Variants in ACYP2 observed in about 807,000 individuals in gnomAD.
The protein encoded by ACYP2 is acylphosphatase 2, also known as acylphosphatase-2.
ACYP2 carries 12 observed loss-of-function variants against 11.2 expected under a neutral mutation model. The observed-to-expected ratio is 1.08, with a 90% CI of 0.69 to 1.74. ACYP2 has a LOEUF of 1.74. Ranked by LOEUF, ACYP2 falls within the 40% of genes most tolerant of loss-of-function variation. ACYP2 has a pLI of 0.00. For synonymous variants in ACYP2, 43 were observed against 32.2 expected, an observed-to-expected ratio of 1.33 and a Z score of -1.13; for missense variants, 134 against 101.9, an observed-to-expected ratio of 1.31 and a Z score of -1.35.
chr2:54,121,257 G>A (rs1010859377), intron 4 of ACYP2, among the ~76,000 whole-genome samples: 2 of 152,170 alleles, frequency 1.3e-5, no homozygotes, highest in Admixed American at 6.5e-5. Flanking sequence ...CCATCTGTAA[G>A]GCTGAGTCTG....
intron 6 of ACYP2, among the ~76,000 whole-genome samples, chr2:54,219,981 C>T (rs1224067635): frequency 6.8e-6 from 1 of 146,026 alleles, no homozygotes; most frequent in Non-Finnish European, 1.5e-5. Flanking sequence ...ACCTCAGGTG[C>T]TCCACTCATC....
In ACYP2 at chr2:53,992,798, T is replaced by A. The variant is rs138758406; in HGVS notation, c.62+18988T>A. Among the ~76,000 whole-genome samples the A allele has an allele frequency of 1.0e-3, 144 of 139,152 alleles. 1 individual carries two copies. The highest frequency in any genetic ancestry group is 3.9e-3 in the African/African-American group (141 of 36,568). The allele number at this position is 139,152 out of a possible 152,430, so 91.3% of individuals were successfully genotyped here. ...GCGAGCTGAGACCACACCACTGTACTCCAGCCTAGGCGACATAGTGAAACT... is the reference window on the plus strand; with the variant it reads ...GCGAGCTGAGACCACACCACTGTACACCAGCCTAGGCGACATAGTGAAACT... On this transcript the variant is annotated intron_variant, in intron 2 of 6. Transcript: ENST00000607452.
intron 4 of ACYP2, among the ~76,000 whole-genome samples, chr2:54,084,415 T>C (rs1346413885): frequency 6.6e-6 from 1 of 152,166 alleles, no homozygotes; most frequent in Admixed American, 6.5e-5. Flanking sequence ...ATGCCTCAGC[T>C]TCCTGAGTAA....
chr2:54,051,573 ATGT>A (rs1675869062), intron 3 of ACYP2: 3 of 743,486 alleles, frequency 4.0e-6, no homozygotes, highest in Non-Finnish European at 7.5e-6. Context: ...TCCATTGGTG[ATGT>A]TGTGAAGAAA....
At chr2:54,140,519 T>TTC (rs200211917) in intron 6 of ACYP2, among the ~76,000 whole-genome samples, 428 of 31,762 alleles carry the variant, frequency 0.013, 4 homozygotes, top group African/African-American at 0.042. Context: ...CATGTTCACA[T>TTC]TCTCTCTCTC....
intron 4 of ACYP2, among the ~76,000 whole-genome samples, chr2:54,100,477 A>G (rs1031961351): frequency 6.6e-6 from 1 of 151,778 alleles, no homozygotes; most frequent in African/African-American, 2.4e-5. Context: ...TAATTAAAAA[A>G]AGATTTTTTT....
chr2:54,259,856 A>T (rs1392804036), intron 6 of ACYP2, among the ~76,000 whole-genome samples: 1 of 152,248 alleles, frequency 6.6e-6, no homozygotes, highest in African/African-American at 2.4e-5. Flanking sequence ...AAAAAGTGAA[A>T]ACAGCGAGTA....
chr2:54,009,467 G>T (rs988871097), intron 2 of ACYP2, among the ~76,000 whole-genome samples: 1 of 151,894 alleles, frequency 6.6e-6, no homozygotes, highest in East Asian at 1.9e-4. Context: ...CCAGCTACTT[G>T]GGAGGCTGAG....
In ACYP2 at chr2:54,096,640, G is replaced by A. The variant is rs1474549726; in HGVS notation, c.278-38813G>A. Among the ~76,000 whole-genome samples, 5 of 152,236 alleles carry A rather than the reference G, an allele frequency of 3.3e-5. No homozygotes were observed. The East Asian group carries it at 5.8e-4, about 18-fold the overall frequency. ...GCGGTTAGGAGCTGGAGACCAGCCCGGCCAACACAGCGAAACCCCGTCTCC... is the reference window on the plus strand; with the variant it reads ...GCGGTTAGGAGCTGGAGACCAGCCCAGCCAACACAGCGAAACCCCGTCTCC... On this transcript the variant is annotated intron_variant, in intron 4 of 6. Coordinates refer to ENST00000607452, the MANE Select transcript of ACYP2 (RefSeq NM_001320586.2).
chr2:54,233,686 C>T (rs142940853), intron 6 of ACYP2, among the ~76,000 whole-genome samples: 28 of 152,258 alleles, frequency 1.8e-4, no homozygotes, highest in African/African-American at 6.7e-4. Context: ...GATCTACTTT[C>T]TGTCACTACA....
intron 2 of ACYP2, among the ~76,000 whole-genome samples, chr2:54,041,749 A>G (rs1228000476): frequency 2.0e-5 from 3 of 152,190 alleles, no homozygotes; most frequent in Non-Finnish European, 4.4e-5. Context: ...GAGGTATCAA[A>G]TGAACGCATA....
intron 6 of ACYP2, among the ~76,000 whole-genome samples, chr2:54,251,222 A>G (rs1241759178): frequency 6.6e-6 from 1 of 152,232 alleles, no homozygotes; most frequent in African/African-American, 2.4e-5. Context: ...TAGAAAATGG[A>G]TTTTAACCAT....
chr2:54,214,326 C>G (rs1302226806), intron 6 of ACYP2, among the ~76,000 whole-genome samples: 1 of 152,192 alleles, frequency 6.6e-6, no homozygotes. Flanking sequence ...GGGCCTACGT[C>G]TAGAATCTCA....
chr2:54,176,080 C>A (rs1006797153), intron 6 of ACYP2, among the ~76,000 whole-genome samples: 1 of 152,112 alleles, frequency 6.6e-6, no homozygotes, highest in Non-Finnish European at 1.5e-5. Context: ...TTCCTGGCAC[C>A]CAGAATTGTG....
chr2:54,260,707 G>A (rs1162869437), intron 6 of ACYP2, among the ~76,000 whole-genome samples: 4 of 152,128 alleles, frequency 2.6e-5, no homozygotes, highest in African/African-American at 9.7e-5. Context: ...GGATTAGTCA[G>A]AATCCCATTC....
At chr2:54,229,816 G>A (rs1686158154) in intron 6 of ACYP2, among the ~76,000 whole-genome samples, 1 of 152,126 alleles carries the variant, frequency 6.6e-6, no homozygotes, top group South Asian at 2.1e-4. Flanking sequence ...GTACTAAGAA[G>A]CTGTTTTCTA....
intron 4 of ACYP2, among the ~76,000 whole-genome samples, chr2:54,098,539 T>A (rs914699354): frequency 6.6e-6 from 1 of 152,202 alleles, no homozygotes; most frequent in Non-Finnish European, 1.5e-5. Flanking sequence ...CGAGGCAACT[T>A]CTTTGAACAG....
chr2:54,122,468 C>T (rs1167917219), intron 4 of ACYP2, among the ~76,000 whole-genome samples: 1 of 152,108 alleles, frequency 6.6e-6, no homozygotes, highest in Non-Finnish European at 1.5e-5. Context: ...AAAAAACCTG[C>T]ATGTGTCATA....
At chr2:54,022,580 A>G (rs948561155) in intron 2 of ACYP2, among the ~76,000 whole-genome samples, 6 of 152,050 alleles carry the variant, frequency 3.9e-5, no homozygotes, top group African/African-American at 4.8e-5. Context: ...GGGTCTCCCT[A>G]TGTTGCACAG....
Sources: allele counts gnomAD v4.1 joint callset (sites outside exome capture counted in the v4.1 genomes callset), GRCh38; gene constraint gnomAD v4.1.1; transcripts MANE v1.5; gene names NCBI Gene and HGNC (gene_info 2026-07-23, HGNC 2026-07-21).